Variants in ABCG2 observed in about 807,000 individuals in gnomAD.
The protein encoded by ABCG2 is broad substrate specificity ATP-binding cassette transporter ABCG2.
In ABCG2, 80 loss-of-function variants were observed where a neutral mutation model predicts 73.5. That is an observed-to-expected ratio of 1.09 (90% CI 0.91 to 1.31). The LOEUF is 1.31. Ranked by LOEUF, ABCG2 falls within the 50% of genes most tolerant of loss-of-function variation. ABCG2 has a pLI of 0.00. For synonymous variants in ABCG2, 269 were observed against 282.4 expected, an observed-to-expected ratio of 0.95 and a Z score of 0.48; for missense variants, 796 against 786.2, an observed-to-expected ratio of 1.01 and a Z score of -0.15.
chr4:88,148,386 A>G (rs1334154628), intron 1 of ABCG2, among the ~76,000 whole-genome samples: 2 of 152,210 alleles, frequency 1.3e-5, no homozygotes, highest in Non-Finnish European at 1.5e-5. Context: ...CATGTATACC[A>G]TTCATGAGGC....
At chr4:88,152,905 G>T in intron 1 of ABCG2, among the ~76,000 whole-genome samples, 1 of 152,040 alleles carries the variant, frequency 6.6e-6, no homozygotes. Context: ...GCTGAAGGAA[G>T]ATTTTGTGGT....
intron 1 of ABCG2, among the ~76,000 whole-genome samples, chr4:88,224,241 G>A (rs1730114863): frequency 6.6e-6 from 1 of 152,070 alleles, no homozygotes; most frequent in Non-Finnish European, 1.5e-5. Context: ...CTTGAGCTCA[G>A]CCTGGGCAAC....
chr4:88,162,985 A>T (rs1039274630), upstream of ABCG2, among the ~76,000 whole-genome samples: 9 of 152,122 alleles, frequency 5.9e-5, no homozygotes. Context: ...AGTATGCTAC[A>T]TTTCTTAGTG....
Position 88,099,337 on chromosome 4 carries a change from C to G in ABCG2, c.1479G>C (p.Val493=). ...MLPSIIFTCI[V]YFMLGLKPKA... ...TTACATACTTACCTAACATGAAGTACACTATACAGGTAAATATAATACTTG... is the reference window on the plus strand; with the variant it reads ...TTACATACTTACCTAACATGAAGTAGACTATACAGGTAAATATAATACTTG... Residue 493 remains valine, a synonymous_variant, in exon 12 of 16, where the codon GTG becomes GTC. Transcript: ENST00000237612. The G allele has an allele frequency of 6.2e-7, 1 of 1,603,894 alleles. No individual in the cohort carries two copies. The highest frequency in any genetic ancestry group is 8.5e-7 in the Non-Finnish European group (1 of 1,176,078).
chr4:88,099,927 T>A (rs1009962816), intron 11 of ABCG2, among the ~76,000 whole-genome samples: 3 of 152,072 alleles, frequency 2.0e-5, no homozygotes, highest in African/African-American at 7.2e-5. Flanking sequence ...TCTTCTTACT[T>A]CTTCTACTCC....
At chr4:88,137,094 C>T (rs188289972) in intron 2 of ABCG2, among the ~76,000 whole-genome samples, 5 of 148,502 alleles carry the variant, frequency 3.4e-5, no homozygotes, top group Admixed American at 1.4e-4. Context: ...GAATGAGAGA[C>T]GGAGAGAGGG....
intron 12 of ABCG2, among the ~76,000 whole-genome samples, chr4:88,098,645 G>GAGATAGAT (rs55760486): frequency 0.38 from 54,802 of 143,554 alleles, 10,930 homozygotes; most frequent in Non-Finnish European, 0.44. Flanking sequence ...GAGACAGGGA[G>GAGATAGAT]AGATAGATAG....
intron 5 of ABCG2, among the ~76,000 whole-genome samples, chr4:88,129,344 TTC>T (rs1487316196): frequency 2.0e-5 from 3 of 152,198 alleles, no homozygotes; most frequent in African/African-American, 7.2e-5. Flanking sequence ...CACTCTACAT[TTC>T]TGTTATGTTT....
intron 2 of ABCG2, among the ~76,000 whole-genome samples, chr4:88,138,373 C>T (rs182193922): frequency 6.6e-6 from 1 of 152,264 alleles, no homozygotes; most frequent in African/African-American, 2.4e-5. Context: ...AGAATCACAA[C>T]TTTTTAAATT....
chr4:88,112,693 C>T (rs1474005960), intron 9 of ABCG2, among the ~76,000 whole-genome samples: 1 of 151,958 alleles, frequency 6.6e-6, no homozygotes, highest in Non-Finnish European at 1.5e-5. Flanking sequence ...ACCAGAAAAC[C>T]CCAAAACTGG....
intron 1 of ABCG2, among the ~76,000 whole-genome samples, chr4:88,151,303 G>A (rs1394875357): frequency 6.6e-6 from 1 of 152,162 alleles, no homozygotes; most frequent in East Asian, 1.9e-4. Context: ...TTGAGTGTGA[G>A]TTAGATTTAC....
Position 88,091,938 on chromosome 4 carries a change from G to T in ABCG2, c.*296C>A. 1 of 254,254 alleles carries T rather than the reference G, an allele frequency of 3.9e-6. No homozygotes were observed. Among genetic ancestry groups the T allele is most frequent in the Non-Finnish European group, 7.5e-6 (1 of 132,728 alleles). 15.7% of individuals were successfully genotyped at this position (254,254 alleles called of 1,614,324 possible). ...CAAATGCCAGAGACAGTAATAACTT[G>T]TCAGGAGTTTCCAGAATTCAATTCT... On this transcript the variant is annotated 3_prime_UTR_variant, in exon 16 of 16. Coordinates refer to ENST00000237612, the MANE Select transcript of ABCG2 (RefSeq NM_004827.3).
intron 5 of ABCG2, among the ~76,000 whole-genome samples, chr4:88,125,763 C>T: frequency 6.6e-6 from 1 of 152,036 alleles, no homozygotes; most frequent in East Asian, 1.9e-4. Context: ...ACTAGAATCT[C>T]TGGGACATAA....
chr4:88,097,452 C>T lies in ABCG2; in HGVS notation c.1647+1G>A. On this transcript the variant is annotated splice_donor_variant, in intron 13 of 15. Coordinates refer to ENST00000237612, the MANE Select transcript of ABCG2 (RefSeq NM_004827.3). LOFTEE classifies it high-confidence loss of function. ...TCAGAGCAAACACAGTTCAGACTCA[C>T]CATCATAAACACAAAACAGATGGTC... 1.9e-6 allele frequency: 3 copies of T among 1,613,858 alleles called. No homozygotes were observed. The highest frequency in any genetic ancestry group is 1.6e-4 in the Middle Eastern group (1 of 6,062).
At chr4:88,196,123 T>C (rs1197099407) in intron 1 of ABCG2, among the ~76,000 whole-genome samples, 1 of 152,164 alleles carries the variant, frequency 6.6e-6, no homozygotes, top group Non-Finnish European at 1.5e-5. Flanking sequence ...CTGACATTCC[T>C]GGGTTGGGGG....
chr4:88,184,158 G>A (rs1243585648), intron 1 of ABCG2, among the ~76,000 whole-genome samples: 1 of 152,106 alleles, frequency 6.6e-6, no homozygotes, highest in Non-Finnish European at 1.5e-5. Flanking sequence ...ACAAAACAAG[G>A]ATGCCCACTT....
At chr4:88,165,779 C>T (rs1211395269) in intron 1 of ABCG2, among the ~76,000 whole-genome samples, 1 of 151,902 alleles carries the variant, frequency 6.6e-6, no homozygotes, top group Non-Finnish European at 1.5e-5. Context: ...GAGGCTGAGG[C>T]AGGAGAATCG....
At chr4:88,210,954 G>C (rs2110122821) in intron 1 of ABCG2, among the ~76,000 whole-genome samples, 1 of 152,096 alleles carries the variant, frequency 6.6e-6, no homozygotes, top group East Asian at 1.9e-4. Context: ...TTCTGCCCCT[G>C]TATTCCCAGC....
intron 1 of ABCG2, among the ~76,000 whole-genome samples, chr4:88,187,897 C>T (rs1026034334): frequency 6.6e-6 from 1 of 152,132 alleles, no homozygotes; most frequent in East Asian, 1.9e-4. Flanking sequence ...TCTTTTGTAT[C>T]TTATAGTGGT....
Sources: gnomAD v4.1 joint callset for allele counts (sites outside exome capture counted in the v4.1 genomes callset) on GRCh38, gnomAD v4.1.1 for gene constraint, MANE v1.5 for transcripts, NCBI Gene and HGNC (gene_info 2026-07-23, HGNC 2026-07-21) for gene names.